The following PSD3 variants were observed in gnomAD, a reference collection of about 807,000 sequenced individuals.
PSD3 encodes PH and SEC7 domain-containing protein 3.
Under a neutral mutation model 105.5 loss-of-function variants are expected in PSD3, and 49 were observed. That is an observed-to-expected ratio of 0.46 (90% CI 0.37 to 0.59). PSD3 has a LOEUF of 0.59. PSD3 is among the 20% of genes least tolerant of loss of function. The pLI is 0.00. For missense variants in PSD3, 1,561 were observed against 1,263.8 expected, an observed-to-expected ratio of 1.24 and a Z score of -3.57; for synonymous variants, 557 against 457.8, an observed-to-expected ratio of 1.22 and a Z score of -2.77.
intron 2 of PSD3, among the ~76,000 whole-genome samples, chr8:18,882,362 G>A (rs776321914): frequency 2.0e-5 from 3 of 152,238 alleles, no homozygotes; most frequent in Non-Finnish European, 4.4e-5. Flanking sequence ...ACAGTAGGGC[G>A]CTTCCTGATA....
intron 1 of PSD3, among the ~76,000 whole-genome samples, chr8:19,040,697 T>A (rs1828093069): frequency 6.6e-6 from 1 of 152,084 alleles, no homozygotes. Context: ...AGGTGAGAGA[T>A]CACAGTGGCT....
chr8:19,051,690 T>C (rs1828534862), intron 1 of PSD3, among the ~76,000 whole-genome samples: 2 of 152,334 alleles, frequency 1.3e-5, no homozygotes, highest in East Asian at 1.9e-4. Context: ...TGCTGATTTA[T>C]AACAAAGTTG....
intron 10 of PSD3, among the ~76,000 whole-genome samples, chr8:18,640,797 C>A (rs920491985): frequency 6.6e-6 from 1 of 152,158 alleles, no homozygotes; most frequent in Non-Finnish European, 1.5e-5. Context: ...ACTAATTAGC[C>A]CCACTGACCT....
Position 18,531,190 on chromosome 8 carries a change from G to C in PSD3, c.*4553C>G, listed in dbSNP as rs1799617741. ...CAAATTACAAAGGATGAACCGAAGA[G>C]ACTTAAGAAAACCTACTGTATATAC... is the stretch of plus-strand genomic sequence containing the variant. On this transcript the variant is annotated 3_prime_UTR_variant, in exon 16 of 16. Coordinates refer to ENST00000327040, the MANE Select transcript of PSD3 (RefSeq NM_015310.4). The C allele has an allele frequency of 6.6e-6, 1 of 152,634 alleles. No individual in the cohort carries two copies. Among genetic ancestry groups the C allele is most frequent in the South Asian group, 2.1e-4 (1 of 4,830 alleles). 9.5% of individuals were successfully genotyped at this position (152,634 alleles called of 1,614,324 possible).
intron 1 of PSD3, among the ~76,000 whole-genome samples, chr8:18,957,085 C>T (rs1318863134): frequency 6.6e-6 from 1 of 152,044 alleles, no homozygotes; most frequent in East Asian, 1.9e-4. Flanking sequence ...TAAGAGTAAA[C>T]AATCGGCTGG....
chr8:18,686,384 C>T (rs554936423), intron 9 of PSD3, among the ~76,000 whole-genome samples: 1 of 152,282 alleles, frequency 6.6e-6, no homozygotes, highest in South Asian at 2.1e-4. Flanking sequence ...ACGCTGTGTC[C>T]CTCACACTAT....
intron 4 of PSD3, among the ~76,000 whole-genome samples, chr8:18,814,904 A>G (rs1037341834): frequency 2.0e-5 from 3 of 152,214 alleles, no homozygotes; most frequent in Admixed American, 2.0e-4. Context: ...GGGCAGCAAA[A>G]GGCGGCACAA....
rs374014990 is a variant in PSD3 at position 18,632,685 on chromosome 8, C to T, written c.2338G>A (p.Asp780Asn). The change falls in exon 11 of 16, where the codon GAT (aspartate) becomes AAT (asparagine). Residue 780 changes from aspartate (D) to asparagine (N), a missense_variant. Physicochemically the swap from Asp to Asn is conservative, Grantham distance 23. Coordinates refer to ENST00000327040, the MANE Select transcript of PSD3 (RefSeq NM_015310.4). ...TTNPFLDIPH[D>N]PNAAVYKSGF... The stretch of plus-strand genomic sequence containing the variant: ...CTTTTGTACACAGCAGCATTTGGAT[C>T]ATGAGGAATGTCCAAAAATGGGTTA... The T allele has an allele frequency of 8.0e-5, 129 of 1,612,684 alleles. No individual in the cohort carries two copies. Among genetic ancestry groups the T allele is most frequent in the Admixed American group, 5.5e-4 (33 of 59,856 alleles).
intron 1 of PSD3, among the ~76,000 whole-genome samples, chr8:18,990,818 T>A (rs1647511866): frequency 6.6e-6 from 1 of 152,164 alleles, no homozygotes; most frequent in Admixed American, 6.5e-5. Context: ...GATGATCACA[T>A]TCACGAACAG....
At chr8:19,051,709 G>A (rs1233739802) in intron 1 of PSD3, among the ~76,000 whole-genome samples, 1 of 152,204 alleles carries the variant, frequency 6.6e-6, no homozygotes, top group East Asian at 1.9e-4. Flanking sequence ...TGGGGGATTA[G>A]CATGTTACCA....
At chr8:18,564,144 T>C (rs1287775379) in intron 14 of PSD3, among the ~76,000 whole-genome samples, 2 of 152,000 alleles carry the variant, frequency 1.3e-5, no homozygotes, top group Non-Finnish European at 2.9e-5. Flanking sequence ...CTACAAAATG[T>C]TAAGGTTTAC....
chr8:18,537,325 A>T (rs1799899574), intron 15 of PSD3, among the ~76,000 whole-genome samples: 1 of 152,234 alleles, frequency 6.6e-6, no homozygotes, highest in African/African-American at 2.4e-5. Context: ...CTCGGATTTG[A>T]ACCAAGGCAA....
At chr8:18,968,783 G>A (rs1354800306) in intron 1 of PSD3, among the ~76,000 whole-genome samples, 2 of 147,148 alleles carry the variant, frequency 1.4e-5, no homozygotes, top group Admixed American at 7.1e-5. Context: ...GGCTGAGGCA[G>A]AAGAATCGCT....
At chr8:18,831,506 G>A (rs1033392905) in intron 4 of PSD3, among the ~76,000 whole-genome samples, 4 of 152,154 alleles carry the variant, frequency 2.6e-5, no homozygotes, top group African/African-American at 4.8e-5. Flanking sequence ...CAGATCACCC[G>A]AGGTCCGGAG....
chr8:19,054,217 T>C (rs1204758321), intron 1 of PSD3, among the ~76,000 whole-genome samples: 1 of 152,194 alleles, frequency 6.6e-6, no homozygotes, highest in South Asian at 2.1e-4. Flanking sequence ...AGCCCCTGAA[T>C]TGCTGATTGA....
At chr8:18,877,959 C>T (rs373320077) in intron 2 of PSD3, among the ~76,000 whole-genome samples, 1 of 152,130 alleles carries the variant, frequency 6.6e-6, no homozygotes, top group East Asian at 1.9e-4. Flanking sequence ...TTGTTTTGGT[C>T]ACTCTTGGCC....
chr8:18,684,789 G>A (rs12545466), intron 9 of PSD3, among the ~76,000 whole-genome samples: 2 of 152,036 alleles, frequency 1.3e-5, no homozygotes, highest in African/African-American at 4.8e-5. Context: ...CAGAGTGAGA[G>A]CAATAAAGCT....
In PSD3 at chr8:18,533,156, C is replaced by T. The variant is rs1054240973; in HGVS notation, c.*2587G>A. On this transcript the variant is annotated 3_prime_UTR_variant, in exon 16 of 16. Coordinates refer to ENST00000327040, the MANE Select transcript of PSD3 (RefSeq NM_015310.4). ...TGTGGTTGGCTATGGGCCAGACTCT[C>T]AGAATCTAGGCAAATCAGTGACTGT... The T allele has an allele frequency of 1.3e-5, 2 of 152,162 alleles. No homozygotes were observed. Among genetic ancestry groups the T allele is most frequent in the Non-Finnish European group, 2.9e-5 (2 of 68,052 alleles). 9.4% of individuals were successfully genotyped at this position (152,162 alleles called of 1,614,324 possible). A position where few individuals can be genotyped will look rare whatever the true frequency, so the allele number is the denominator to read the frequency against.
At chr8:18,568,251 T>C (rs941536335) in intron 14 of PSD3, among the ~76,000 whole-genome samples, 5 of 152,094 alleles carry the variant, frequency 3.3e-5, no homozygotes, top group African/African-American at 9.7e-5. Context: ...CCACTAAATA[T>C]CACATTTTTA....
Sources: gnomAD v4.1 joint callset for allele counts (sites outside exome capture counted in the v4.1 genomes callset) on GRCh38, gnomAD v4.1.1 for gene constraint, MANE v1.5 for transcripts, NCBI Gene and HGNC (gene_info 2026-07-23, HGNC 2026-07-21) for gene names.